SLC50A1: variants seen among roughly 807,000 people sequenced by gnomAD.
SLC50A1 encodes the protein solute carrier family 50 member 1, also known as sugar transporter SWEET1.
Under a neutral mutation model 28.9 loss-of-function variants are expected in SLC50A1, and 22 were observed. The ratio of observed to expected loss-of-function variants is 0.76; its 90% CI spans 0.54 to 1.09. SLC50A1 has a LOEUF of 1.09. SLC50A1 is among the 50% of genes least tolerant of loss of function. The pLI is 0.00. For missense variants in SLC50A1, 233 were observed against 273.4 expected (o/e 0.85, Z 1.04); for synonymous variants, 96 against 110.6 (o/e 0.87, Z 0.83).
chr1:155,138,527 AG>A lies in SLC50A1; in HGVS notation c.*247del. ...TTTTGGAGGTTGGGGTGCAATCTTT[AG>A]AATATGCCTTAAAAGGCCGGGCGCG... On this transcript the variant is annotated 3_prime_UTR_variant, in exon 6 of 6. Coordinates refer to ENST00000368404, the MANE Select transcript of SLC50A1 (RefSeq NM_018845.4). 1 of 513,322 alleles carries A rather than the reference AG, an allele frequency of 1.9e-6. No individual in the cohort carries two copies. The highest frequency in any genetic ancestry group is 2.4e-5 in the South Asian group (1 of 41,590). 31.8% of individuals were successfully genotyped at this position (513,322 alleles called of 1,614,324 possible). A position where few individuals can be genotyped will look rare whatever the true frequency, so the allele number is the denominator to read the frequency against.
Position 155,137,723 on chromosome 1 carries a change from G to A in SLC50A1, c.444+1G>A. On this transcript the variant is annotated splice_donor_variant, in intron 4 of 5. Coordinates refer to ENST00000368404, the MANE Select transcript of SLC50A1 (RefSeq NM_018845.4). LOFTEE classifies it high-confidence loss of function. ...GTACCTCTCACCACTGGCTGACTTG[G>A]TGAGTGGGGGTGTCCAAGGAGGTAG... 1 of 1,614,082 alleles carries A rather than the reference G, an allele frequency of 6.2e-7. No individual in the cohort carries two copies. The highest frequency in any genetic ancestry group is 8.5e-7 in the Non-Finnish European group (1 of 1,179,988).
intron 2 of SLC50A1, 27 bp from the exon 3 acceptor site, chr1:155,136,801 G>A (rs372704600): frequency 1.4e-5 from 22 of 1,613,808 alleles, no homozygotes; most frequent in Non-Finnish European, 1.9e-5. Context: ...AACCCTTTGA[G>A]CCATGTCCAT....
chr1:155,135,575 G>A (rs1324990288), upstream of SLC50A1: 1 of 1,545,960 alleles, frequency 6.5e-7, no homozygotes. Context: ...CGTTGAGACT[G>A]GGGGCGTCTA....
In SLC50A1 at chr1:155,138,246, G is replaced by A. The variant is rs769722534; in HGVS notation, c.631G>A (p.Glu211Lys). The A allele has an allele frequency of 1.2e-6, 2 of 1,614,172 alleles. No individual in the cohort carries two copies. Among genetic ancestry groups the A allele is most frequent in the South Asian group, 2.2e-5 (2 of 91,084 alleles). The change falls in exon 6 of 6, where the codon GAG becomes AAG. Residue 211 changes from glutamate to lysine, a missense_variant. Transcript: ENST00000368404. ...CTGGCTTTTCTGGAAGTACCCCCAG[G>A]AGCAAGACAGGAACTACTGGCTCCT... is the stretch of plus-strand genomic sequence containing the variant. Reference protein sequence around the residue: ...RFWLFWKYPQEQDRNYWLLQT With the variant: ...RFWLFWKYPQKQDRNYWLLQT
upstream of SLC50A1, chr1:155,135,473 C>A: frequency 9.5e-7 from 1 of 1,051,518 alleles, no homozygotes; most frequent in East Asian, 2.6e-5. Context: ...ATGTGGAGCT[C>A]TGGATGGAAA....
In SLC50A1 at chr1:155,138,341, T is replaced by G; in HGVS notation, c.*60T>G. On this transcript the variant is annotated 3_prime_UTR_variant, in exon 6 of 6. Transcript: ENST00000368404. ...AACCTGAACCAAAGAGACCTCCTTG[T>G]TTCAGCTGGGCCTGCTGTCCAGCTT... is the stretch of plus-strand genomic sequence containing the variant. 6.5e-7 allele frequency: 1 copy of G among 1,528,566 alleles called. No homozygotes were observed. The highest frequency in any genetic ancestry group is 9.0e-7 in the Non-Finnish European group (1 of 1,112,958). The allele number at this position is 1,528,566 out of a possible 1,614,324, so 94.7% of individuals were successfully genotyped here. A position where few individuals can be genotyped will look rare whatever the true frequency, so the allele number is the denominator to read the frequency against.
chr1:155,137,367 A>T (rs558277173), intron 3 of SLC50A1, among the ~76,000 whole-genome samples, 194 bp from the exon 4 acceptor site: 1 of 152,220 alleles, frequency 6.6e-6, no homozygotes, highest in South Asian at 2.1e-4. Context: ...TATCTCCCCC[A>T]GAAGTCTCCA....
At chr1:155,136,463 G>C (rs1427271575) in intron 2 of SLC50A1, 87 bp downstream of exon 2, 6 of 1,330,728 alleles carry the variant, frequency 4.5e-6, no homozygotes, top group Non-Finnish European at 6.4e-6. Context: ...AAGAGGTTTG[G>C]CCGGGCGCGG....
chr1:155,135,704 G>C (rs1454897509), upstream of SLC50A1: 1 of 1,550,082 alleles, frequency 6.5e-7, no homozygotes, highest in East Asian at 2.4e-5. Flanking sequence ...TACTGGGAAG[G>C]CGCTCGGAGG....
Position 155,137,566 on chromosome 1 carries a change from T to C in SLC50A1, c.288T>C (p.Val96=). 1.2e-6 allele frequency: 2 copies of C among 1,613,974 alleles called. No individual in the cohort carries two copies. Among genetic ancestry groups the C allele is most frequent in the Non-Finnish European group, 1.7e-6 (2 of 1,179,910 alleles). Residue 96 remains valine, a synonymous_variant, in exon 4 of 6, where the codon GTT becomes GTC. Coordinates refer to ENST00000368404, the MANE Select transcript of SLC50A1 (RefSeq NM_018845.4). ...GGGTACTCTCTCCCCTGCAGCGTGT[T>C]GTGCTCCTACAGACTGCAACCCTGC... ...AYLHYCPRKR[V]VLLQTATLLG... is the part of the protein sequence containing the mutation.
chr1:155,135,528 C>A, upstream of SLC50A1: 2 of 1,456,672 alleles, frequency 1.4e-6, no homozygotes, highest in South Asian at 1.3e-5. Flanking sequence ...GTTTGGAGGT[C>A]CACCGCCGAA....
At chr1:155,135,612 G>A, upstream of SLC50A1, 2 of 1,550,292 alleles carry the variant, frequency 1.3e-6, no homozygotes, top group Non-Finnish European at 1.7e-6. Context: ...GGCAGAGTGT[G>A]AGCAGCGGCA....
At position 155,138,687 on chromosome 1, in the gene SLC50A1, G is replaced by A. The variant is rs1445803979; in HGVS notation, c.*406G>A. 1.5e-5 allele frequency: 3 copies of A among 195,166 alleles called. No individual in the cohort carries two copies. Among genetic ancestry groups the A allele is most frequent in the Non-Finnish European group, 3.3e-5 (3 of 92,284 alleles). 12.1% of individuals were successfully genotyped at this position (195,166 alleles called of 1,614,324 possible). A position where few individuals can be genotyped will look rare whatever the true frequency, so the allele number is the denominator to read the frequency against. On this transcript the variant is annotated 3_prime_UTR_variant, in exon 6 of 6. Coordinates refer to ENST00000368404, the MANE Select transcript of SLC50A1 (RefSeq NM_018845.4). ...TAAAAATACAAAATTAGCCAGGCAT[G>A]ATGGCACATGCCTGTAATCCCAGAT...
chr1:155,137,124 T>C, intron 3 of SLC50A1, 173 bp downstream of exon 3: 1 of 814,956 alleles, frequency 1.2e-6, no homozygotes, highest in Non-Finnish European at 1.9e-6. Context: ...GATGAACACA[T>C]TGCCCCCATT....
rs1664562754 is a variant in SLC50A1 at position 155,137,588 on chromosome 1, C to G, written c.310C>G (p.Leu104Val). 6.2e-7 allele frequency: 1 copy of G among 1,614,122 alleles called. No individual in the cohort carries two copies. The highest frequency in any genetic ancestry group is 8.5e-7 in the Non-Finnish European group (1 of 1,180,000). The stretch of plus-strand genomic sequence containing the variant: ...TGTTGTGCTCCTACAGACTGCAACC[C>G]TGCTAGGGGTCCTTCTCCTGGGTTA... ...KRVVLLQTATLLGVLLLGYGY... is the reference protein window; with the variant it reads ...KRVVLLQTATVLGVLLLGYGY... Residue 104 changes from leucine (L) to valine (V), a missense_variant, in exon 4 of 6, where the codon CTG (leucine) becomes GTG (valine). By Grantham distance (32) the Leu-to-Val change is conservative (BLOSUM62 1). Coordinates refer to ENST00000368404, the MANE Select transcript of SLC50A1 (RefSeq NM_018845.4).
In SLC50A1 at chr1:155,137,596, G is replaced by A; in HGVS notation, c.318G>A (p.Gly106=). ...TCCTACAGACTGCAACCCTGCTAGG[G>A]GTCCTTCTCCTGGGTTATGGCTACT... ...VVLLQTATLL[G]VLLLGYGYFW... The change falls in exon 4 of 6, where the codon GGG becomes GGA. Residue 106 remains glycine (G), a synonymous_variant. Transcript: ENST00000368404. 1 of 1,614,162 alleles carries A rather than the reference G, an allele frequency of 6.2e-7. No homozygotes were observed. Among genetic ancestry groups the A allele is most frequent in the Admixed American group, 1.7e-5 (1 of 60,006 alleles).
upstream of SLC50A1, chr1:155,135,710 G>T (rs1238280611): frequency 6.5e-7 from 1 of 1,549,916 alleles, no homozygotes. Flanking sequence ...GAAGGCGCTC[G>T]GAGGAGAGGG....
chr1:155,137,752 A>G, intron 4 of SLC50A1, 30 bp downstream of exon 4: 3 of 1,612,354 alleles, frequency 1.9e-6, no homozygotes, highest in Non-Finnish European at 2.5e-6. Flanking sequence ...GAGGTAGGAG[A>G]GATAAGAGTC....
chr1:155,138,157 C>T lies in SLC50A1; in HGVS notation c.565-23C>T, dbSNP rs746390066. On this transcript the variant is annotated intron_variant, in intron 5 of 5. Transcript: ENST00000368404. ...AAGATGGAAAACTGGCTCCTCTCCT[C>T]ATAGCAGTTCTTGTGATTTCAGGTG... 6.8e-6 allele frequency: 11 copies of T among 1,614,064 alleles called. No individual in the cohort carries two copies. In the African/African-American group the frequency reaches 1.1e-4, roughly 16 times the overall value.
Sources: gnomAD v4.1 joint callset for allele counts (sites outside exome capture counted in the v4.1 genomes callset) on GRCh38, gnomAD v4.1.1 for gene constraint, MANE v1.5 for transcripts, NCBI Gene and HGNC (gene_info 2026-07-23, HGNC 2026-07-21) for gene names.